RNF157: variants seen among roughly 807,000 people sequenced by gnomAD.
The protein encoded by RNF157 is ring finger protein 157.
RNF157 carries 55 observed loss-of-function variants against 88.3 expected under a neutral mutation model. That is an observed-to-expected ratio of 0.62 (90% confidence interval 0.50 to 0.78). The LOEUF (loss-of-function observed/expected upper bound fraction) is 0.78. RNF157 is among the 30% of genes least tolerant of loss of function. The pLI is 0.00. For missense variants in RNF157, 788 were observed against 860.8 expected (o/e 0.92, Z 1.06); for synonymous variants, 334 against 341.2 (o/e 0.98, Z 0.23).
In RNF157 at chr17:76,212,491, G is replaced by T. The variant is rs759044828; in HGVS notation, c.89-9C>A. The T allele has an allele frequency of 3.9e-6, 6 of 1,521,394 alleles. No homozygotes were observed. In the African/African-American group the frequency reaches 6.9e-5, roughly 18 times the overall value. 94.2% of individuals were successfully genotyped at this position (1,521,394 alleles called of 1,614,324 possible). On this transcript the variant is annotated splice_polypyrimidine_tract_variant and intron_variant, in intron 1 of 18. Transcript: ENST00000269391. ...GCTGGCAAAATAGCTTCCTAGAGAGGAACAAACAAAAAAAATCAAACAAGC... is the reference window on the plus strand; with the variant it reads ...GCTGGCAAAATAGCTTCCTAGAGAGTAACAAACAAAAAAAATCAAACAAGC...
At chr17:76,174,751 A>G (rs963727739) in intron 2 of RNF157, among the ~76,000 whole-genome samples, 31 of 152,328 alleles carry the variant, frequency 2.0e-4, no homozygotes, top group African/African-American at 6.5e-4. Flanking sequence ...TACTTGGGAA[A>G]CAATATAGTT....
intron 3 of RNF157, among the ~76,000 whole-genome samples, chr17:76,170,435 C>T (rs552222814): frequency 2.6e-5 from 4 of 152,208 alleles, no homozygotes; most frequent in Admixed American, 2.0e-4. Context: ...TACCATATTG[C>T]CCAGGCTGGT....
At position 76,143,783 on chromosome 17, in the gene RNF157, C is replaced by CA. The variant is rs1456474529; in HGVS notation, c.*1451dup. On this transcript the variant is annotated 3_prime_UTR_variant, in exon 19 of 19. Coordinates refer to ENST00000269391, the MANE Select transcript of RNF157 (RefSeq NM_052916.3). ...TGAATTTTTTTTTTTTTGTTTGAGACAGAGTTTCGATCTTTTCAATCTTGT... is the reference window on the plus strand; with the variant it reads ...TGAATTTTTTTTTTTTTGTTTGAGACAAGAGTTTCGATCTTTTCAATCTTGT... 6.6e-6 allele frequency: 1 copy of CA among 151,304 alleles called. No homozygotes were observed. The highest frequency in any genetic ancestry group is 6.6e-5 in the Admixed American group (1 of 15,178). 9.4% of individuals were successfully genotyped at this position (151,304 alleles called of 1,614,324 possible).
Position 76,240,108 on chromosome 17 carries a change from C to T in RNF157, c.88+45G>A. The stretch of plus-strand genomic sequence containing the variant: ...GCCGTCCCGACCCAGACCCCTGCCC[C>T]TGCCCCTCTCCCTCCTCGCGGCTGC... On this transcript the variant is annotated intron_variant, in intron 1 of 18. Transcript: ENST00000269391. This position sits in a 1 kb window ranked among gnomAD's most constrained non-coding sequence, Gnocchi z 4.4. The T allele has an allele frequency of 8.4e-7, 1 of 1,189,606 alleles. No homozygotes were observed. 73.7% of individuals were successfully genotyped at this position (1,189,606 alleles called of 1,614,324 possible).
chr17:76,212,870 A>G (rs1346126490), intron 1 of RNF157, among the ~76,000 whole-genome samples: 2 of 152,200 alleles, frequency 1.3e-5, no homozygotes, highest in African/African-American at 2.4e-5. Flanking sequence ...CAAAAAAACA[A>G]AAACAAAAAA....
intron 1 of RNF157, among the ~76,000 whole-genome samples, chr17:76,232,109 G>A (rs983414031): frequency 5.3e-5 from 8 of 152,272 alleles, no homozygotes; most frequent in East Asian, 3.9e-4. Context: ...ATGGCCAGGC[G>A]TGTTGTCTCA....
At position 76,156,826 on chromosome 17, in the gene RNF157, G is replaced by C. The variant is rs146116569; in HGVS notation, c.1414-505C>G. On this transcript the variant is annotated intron_variant, in intron 13 of 18. Coordinates refer to ENST00000269391, the MANE Select transcript of RNF157 (RefSeq NM_052916.3). Reference sequence around the variant, plus strand: ...CACCCCCACCTCCGATCCCAGCCCCGACCTGTCAGGCATCTGGGTGCACAG... The same window carrying C: ...CACCCCCACCTCCGATCCCAGCCCCCACCTGTCAGGCATCTGGGTGCACAG... Among the ~76,000 whole-genome samples, 15 of 152,212 alleles carry C rather than the reference G, an allele frequency of 9.9e-5. No individual in the cohort carries two copies. The East Asian group carries it at 2.9e-3, about 29-fold the overall frequency.
intron 2 of RNF157, among the ~76,000 whole-genome samples, chr17:76,203,091 A>G (rs1404437824): frequency 6.6e-6 from 1 of 151,908 alleles, no homozygotes; most frequent in Non-Finnish European, 1.5e-5. Flanking sequence ...TCTGGGTTCA[A>G]GCGATTCTTA....
At chr17:76,224,651 C>T (rs1005710148) in intron 1 of RNF157, among the ~76,000 whole-genome samples, 5 of 151,422 alleles carry the variant, frequency 3.3e-5, no homozygotes, top group African/African-American at 1.2e-4. Context: ...CTTGGCCACA[C>T]TGGAAAAAGA....
intron 17 of RNF157, 32 bp from the exon 18 acceptor site, chr17:76,152,497 C>T (rs1221839548): frequency 3.6e-6 from 5 of 1,395,008 alleles, no homozygotes; most frequent in African/African-American, 1.4e-5. Context: ...TAGAGAGGGG[C>T]TGGCTGTGTT....
At chr17:76,194,586 T>C (rs949946838) in intron 2 of RNF157, among the ~76,000 whole-genome samples, 2 of 152,232 alleles carry the variant, frequency 1.3e-5, no homozygotes, top group Non-Finnish European at 2.9e-5. Flanking sequence ...ATGGCCTATG[T>C]CCTCTTCCAT....
chr17:76,217,041 A>AC (rs959933614), intron 1 of RNF157, among the ~76,000 whole-genome samples: 1 of 152,250 alleles, frequency 6.6e-6, no homozygotes, highest in Non-Finnish European at 1.5e-5. Flanking sequence ...ATTAGCTTGA[A>AC]CACCTGTTCA....
At chr17:76,167,422 G>T (rs1222576861) in intron 4 of RNF157, among the ~76,000 whole-genome samples, 4 of 152,198 alleles carry the variant, frequency 2.6e-5, no homozygotes, top group Non-Finnish European at 5.9e-5. Context: ...AAAGGTAAAG[G>T]GTAGGGCTTT....
intron 2 of RNF157, among the ~76,000 whole-genome samples, chr17:76,190,234 T>A (rs1432444440): frequency 1.3e-5 from 2 of 151,724 alleles, no homozygotes; most frequent in African/African-American, 4.8e-5. Context: ...TGGCACAATT[T>A]CGCCTCACTG....
chr17:76,152,613 C>T (rs2068697832), intron 17 of RNF157, 148 bp from the exon 18 acceptor site: 1 of 610,006 alleles, frequency 1.6e-6, no homozygotes, highest in South Asian at 1.9e-5. Flanking sequence ...AAAGAGTGGA[C>T]AAGAAAGGAA....
At chr17:76,175,767 T>C (rs779944724) in intron 2 of RNF157, 62 of 985,128 alleles carry the variant, frequency 6.3e-5, no homozygotes, top group East Asian at 1.1e-4. Flanking sequence ...AAAAAAAAGA[T>C]GCGTCTTTTC....
intron 7 of RNF157, among the ~76,000 whole-genome samples, chr17:76,165,129 G>C (rs568461753): frequency 6.6e-6 from 1 of 152,148 alleles, no homozygotes; most frequent in Non-Finnish European, 1.5e-5. Context: ...GGTTCTGTAC[G>C]ATCTGCAGTT....
In RNF157 at chr17:76,161,985, C is replaced by T. The variant is rs1351096002; in HGVS notation, c.810G>A (p.Val270=). The part of the protein sequence containing the change: ...TQDSKVAEDE[V]SDNSAECVVC... The stretch of plus-strand genomic sequence containing the variant: ...CCACACACTCGGCACTGTTATCACT[C>T]ACTTCGTCTTCAGCCACCTGGCCAA... Residue 270 remains valine, a synonymous_variant, in exon 10 of 19, where the codon GTG becomes GTA. Coordinates refer to ENST00000269391, the MANE Select transcript of RNF157 (RefSeq NM_052916.3). The surrounding 1 kb of genome is among the most constrained non-coding windows in gnomAD (Gnocchi z 4.6). 6.2e-7 allele frequency: 1 copy of T among 1,613,770 alleles called. No individual in the cohort carries two copies. The highest frequency in any genetic ancestry group is 1.7e-5 in the Admixed American group (1 of 59,992).
intron 2 of RNF157, among the ~76,000 whole-genome samples, chr17:76,206,587 G>T (rs1350879071): frequency 3.9e-5 from 6 of 152,044 alleles, no homozygotes; most frequent in Non-Finnish European, 7.4e-5. Context: ...ATTGCCTGAG[G>T]TCAGGAGTTC....
Sources: gnomAD v4.1 joint callset for allele counts (sites outside exome capture counted in the v4.1 genomes callset) on GRCh38, gnomAD v4.1.1 for gene constraint, Gnocchi (gnomAD v3.1) non-coding constraint, MANE v1.5 for transcripts, NCBI Gene and HGNC (gene_info 2026-07-23, HGNC 2026-07-21) for gene names.